UBE2H: variants seen among roughly 807,000 people sequenced by gnomAD.
The protein encoded by UBE2H is ubiquitin conjugating enzyme E2 H, also known as ubiquitin-conjugating enzyme E2 H.
Under a neutral mutation model 29.0 loss-of-function variants are expected in UBE2H, and 3 were observed. The observed-to-expected ratio is 0.10, with a 90% confidence interval of 0.05 to 0.27. The LOEUF (loss-of-function observed/expected upper bound fraction) is 0.27, where lower values mean the gene tolerates loss of function less well. Among genes scored for constraint, UBE2H ranks in the 10% least tolerant of loss-of-function variants. UBE2H has a pLI of 1.00. For synonymous variants in UBE2H, 69 were observed against 82.9 expected (o/e 0.83, Z 0.91); for missense variants, 68 against 228.2 (o/e 0.30, Z 4.52).
At chr7:129,903,808 A>C (rs749556342) in intron 1 of UBE2H, among the ~76,000 whole-genome samples, 6 of 152,358 alleles carry the variant, frequency 3.9e-5, no homozygotes, top group Admixed American at 6.5e-5. Context: ...GAGAAGGCTG[A>C]AATGGGAGGA....
intron 3 of UBE2H, chr7:129,865,101 CTAT>C (rs1438921793): frequency 4.7e-6 from 2 of 425,112 alleles, no homozygotes; most frequent in Admixed American, 2.8e-5. Flanking sequence ...TAATGTAAAA[CTAT>C]TATTATATAT....
At chr7:129,924,961 A>G (rs1170633035) in intron 1 of UBE2H, among the ~76,000 whole-genome samples, 1 of 152,170 alleles carries the variant, frequency 6.6e-6, no homozygotes, top group African/African-American at 2.4e-5. Context: ...TAAAAAAAAA[A>G]AAGTTTAACT....
chr7:129,913,342 A>G (rs1406931085), intron 1 of UBE2H, among the ~76,000 whole-genome samples: 2 of 152,218 alleles, frequency 1.3e-5, no homozygotes, highest in African/African-American at 4.8e-5. Context: ...ATGTGCCTAC[A>G]AAATAAAGGG....
intron 1 of UBE2H, among the ~76,000 whole-genome samples, chr7:129,930,181 G>C (rs182581581): frequency 6.6e-6 from 1 of 151,166 alleles, no homozygotes; most frequent in Non-Finnish European, 1.5e-5. Flanking sequence ...TTTTTTTTGC[G>C]ATGGGGTTTC....
chr7:129,888,479 C>A (rs10216157), intron 1 of UBE2H, among the ~76,000 whole-genome samples: 3 of 145,792 alleles, frequency 2.1e-5, no homozygotes, highest in African/African-American at 7.4e-5. Flanking sequence ...ATAGCAAGAC[C>A]CTTTTTTTTT....
At chr7:129,904,798 C>A (rs148331140) in intron 1 of UBE2H, among the ~76,000 whole-genome samples, 1 of 152,254 alleles carries the variant, frequency 6.6e-6, no homozygotes, top group Non-Finnish European at 1.5e-5. Context: ...GGGAAATGAA[C>A]AATCAATAAA....
intron 1 of UBE2H, among the ~76,000 whole-genome samples, chr7:129,912,625 AT>A (rs1218670021): frequency 6.6e-6 from 1 of 152,106 alleles, no homozygotes; most frequent in African/African-American, 2.4e-5. Context: ...TATGTGTGGA[AT>A]TTTCCACTTG....
At chr7:129,935,001 A>G (rs1316601463) in intron 1 of UBE2H, among the ~76,000 whole-genome samples, 6 of 150,750 alleles carry the variant, frequency 4.0e-5, no homozygotes, top group Admixed American at 1.3e-4. Context: ...ATGTGTGTGT[A>G]TATGTGTGTG....
chr7:129,945,537 G>A lies in UBE2H; in HGVS notation c.53+6966C>T, dbSNP rs573756256. Among the ~76,000 whole-genome samples, 4 of 152,232 alleles carry A rather than the reference G, an allele frequency of 2.6e-5. No homozygotes were observed. In the East Asian group the frequency reaches 5.8e-4, roughly 22 times the overall value. On this transcript the variant is annotated intron_variant, in intron 1 of 6. Coordinates refer to ENST00000355621, the MANE Select transcript of UBE2H (RefSeq NM_003344.4). ...ACACAACACAACAAAACAAGAGCCC[G>A]CTGAGTGTAGGGCTCTGAGATTTTT...
intron 1 of UBE2H, among the ~76,000 whole-genome samples, chr7:129,911,873 C>A (rs1165996577): frequency 6.6e-6 from 1 of 152,044 alleles, no homozygotes; most frequent in East Asian, 1.9e-4. Flanking sequence ...AAACTCCTGG[C>A]CTCAAGCAGT....
chr7:129,838,684 G>A (rs540124649), intron 6 of UBE2H, among the ~76,000 whole-genome samples: 1 of 152,226 alleles, frequency 6.6e-6, no homozygotes, highest in South Asian at 2.1e-4. Flanking sequence ...CTGTCACCCA[G>A]GCTGGAGTAC....
chr7:129,848,655 G>A (rs1172436139), intron 5 of UBE2H, among the ~76,000 whole-genome samples: 3 of 152,168 alleles, frequency 2.0e-5, no homozygotes, highest in Admixed American at 6.5e-5. Flanking sequence ...AGCAGCTGTT[G>A]ACCTTTCAAA....
intron 1 of UBE2H, among the ~76,000 whole-genome samples, chr7:129,946,887 C>T (rs118099601): frequency 2.8e-4 from 43 of 152,306 alleles, no homozygotes; most frequent in Admixed American, 5.2e-4. Context: ...AAAGCTATTA[C>T]GTTGCAAACA....
At chr7:129,928,148 C>G (rs536559059) in intron 1 of UBE2H, among the ~76,000 whole-genome samples, 1 of 151,434 alleles carries the variant, frequency 6.6e-6, no homozygotes, top group African/African-American at 2.4e-5. Context: ...CTGGCCAACA[C>G]GGTGAAACCC....
chr7:129,937,896 T>C (rs1033743778), intron 1 of UBE2H, among the ~76,000 whole-genome samples: 11 of 152,214 alleles, frequency 7.2e-5, no homozygotes, highest in Admixed American at 1.3e-4. Flanking sequence ...TAATGTCATA[T>C]TGTGATGCAA....
At chr7:129,902,603 C>A (rs1346576354) in intron 1 of UBE2H, among the ~76,000 whole-genome samples, 10 of 152,222 alleles carry the variant, frequency 6.6e-5, no homozygotes, top group Non-Finnish European at 1.5e-4. Context: ...CCATCTCCCC[C>A]ATTTCCTAGG....
At chr7:129,855,194 T>C (rs1435045456) in intron 5 of UBE2H, among the ~76,000 whole-genome samples, 2 of 152,224 alleles carry the variant, frequency 1.3e-5, no homozygotes, top group Non-Finnish European at 2.9e-5. Flanking sequence ...CTGTTATTTT[T>C]TTAAAAAACC....
chr7:129,844,010 C>A (rs982073175), intron 5 of UBE2H, among the ~76,000 whole-genome samples: 2 of 152,224 alleles, frequency 1.3e-5, no homozygotes, highest in African/African-American at 4.8e-5. Context: ...TTTCCTACTA[C>A]TTTTAAGTTT....
intron 1 of UBE2H, among the ~76,000 whole-genome samples, chr7:129,906,092 A>C (rs1806809489): frequency 6.6e-6 from 1 of 152,334 alleles, no homozygotes; most frequent in African/African-American, 2.4e-5. Context: ...GAGATATGGA[A>C]TTTTTATTCT....
Sources: allele counts gnomAD v4.1 joint callset (sites outside exome capture counted in the v4.1 genomes callset), GRCh38; gene constraint gnomAD v4.1.1; transcripts MANE v1.5; gene names NCBI Gene and HGNC (gene_info 2026-07-23, HGNC 2026-07-21).